Variants in CCN5 observed in about 807,000 individuals in gnomAD.
CCN5 encodes the protein cellular communication network factor 5.
Under a neutral mutation model 18.7 loss-of-function variants are expected in CCN5, and 17 were observed. The ratio of observed to expected loss-of-function variants is 0.91; its 90% CI spans 0.62 to 1.36. The LOEUF is 1.36. CCN5 is among the 40% of genes most tolerant of loss of function. The pLI is 0.00. For synonymous variants in CCN5, 135 were observed against 145.2 expected, an observed-to-expected ratio of 0.93 and a Z score of 0.50; for missense variants, 367 against 342.9, an observed-to-expected ratio of 1.07 and a Z score of -0.56.
chr20:44,725,353 G>T (rs2065929576), intron 3 of CCN5, among the ~76,000 whole-genome samples: 1 of 151,944 alleles, frequency 6.6e-6, no homozygotes, highest in Non-Finnish European at 1.5e-5. Flanking sequence ...CAGGAGAATC[G>T]CTTGAACCCG....
upstream of CCN5, chr20:44,715,043 T>C: frequency 3.8e-6 from 1 of 264,624 alleles, no homozygotes; most frequent in South Asian, 4.7e-5. Flanking sequence ...CTCTGCAAGC[T>C]GTCACAGGCT....
At chr20:44,720,267 C>A in intron 2 of CCN5, 154 bp downstream of exon 2, 1 of 746,302 alleles carries the variant, frequency 1.3e-6, no homozygotes, top group Non-Finnish European at 2.2e-6. Flanking sequence ...GTCCCAAAGC[C>A]CACTCCCCAC....
At chr20:44,724,546 C>A in intron 2 of CCN5, 192 bp from the exon 3 acceptor site, 1 of 799,212 alleles carries the variant, frequency 1.3e-6, no homozygotes, top group Non-Finnish European at 1.9e-6. Context: ...CTTGCAATCC[C>A]TGTGCCGGGA....
chr20:44,720,294 T>C (rs1314884355), intron 2 of CCN5, 181 bp downstream of exon 2: 3 of 668,182 alleles, frequency 4.5e-6, no homozygotes, highest in African/African-American at 1.8e-5. Context: ...CTCTCCCTTC[T>C]TGGCCTCTGC....
chr20:44,721,540 A>C (rs1239078702), intron 2 of CCN5: 2 of 147,450 alleles, frequency 1.4e-5, no homozygotes, highest in Admixed American at 6.8e-5. Flanking sequence ...AAAAAAAAGT[A>C]ATAACTCCAT....
At chr20:44,723,765 C>T (rs1281435021) in intron 2 of CCN5, 1 of 152,252 alleles carries the variant, frequency 6.6e-6, no homozygotes, top group African/African-American at 2.4e-5. Context: ...CAGGAACTGT[C>T]CTCTTTCTGT....
chr20:44,727,344 C>A lies in CCN5; in HGVS notation c.*37C>A. On this transcript the variant is annotated 3_prime_UTR_variant, in exon 4 of 4. Transcript: ENST00000190983. ...GAATGGGGACACGGTGTCCACCATC[C>A]CCAGCTGGTGGCCCTGTGCCTGGGC... 1 of 1,574,068 alleles carries A rather than the reference C, an allele frequency of 6.4e-7. No homozygotes were observed. Among genetic ancestry groups the A allele is most frequent in the Non-Finnish European group, 8.6e-7 (1 of 1,156,948 alleles).
intron 2 of CCN5, among the ~76,000 whole-genome samples, chr20:44,722,364 C>T (rs1298046783): frequency 1.3e-5 from 2 of 152,328 alleles, no homozygotes; most frequent in South Asian, 2.1e-4. Flanking sequence ...ATCTTCCGCC[C>T]CCCAGAACGG....
chr20:44,720,227 G>A lies in CCN5; in HGVS notation c.277+114G>A, dbSNP rs1274171308. 25 of 1,137,098 alleles carry A rather than the reference G, an allele frequency of 2.2e-5. 2 individuals carry two copies. In the South Asian group the frequency reaches 3.2e-4, roughly 15 times the overall value. The allele number at this position is 1,137,098 out of a possible 1,614,324, so 70.4% of individuals were successfully genotyped here. On this transcript the variant is annotated intron_variant, in intron 2 of 3. Transcript: ENST00000190983. ...TCTACCTCCTTGGGTGCTCACTTCA[G>A]GTATCCCATCCATTCCAGCTGAACT...
At chr20:44,724,576 C>T (rs2065921683) in intron 2 of CCN5, 162 bp from the exon 3 acceptor site, 7 of 1,120,626 alleles carry the variant, frequency 6.2e-6, no homozygotes, top group Non-Finnish European at 7.4e-6. Context: ...CCCCAGCAGG[C>T]TGGTGGAGGG....
Position 44,720,154 on chromosome 20 carries a change from G to A in CCN5, c.277+41G>A, listed in dbSNP as rs754106664. 16 of 1,528,724 alleles carry A rather than the reference G, an allele frequency of 1.0e-5. No homozygotes were observed. In the Admixed American group the frequency reaches 1.4e-4, roughly 13 times the overall value. 94.7% of individuals were successfully genotyped at this position (1,528,724 alleles called of 1,614,324 possible). A position where few individuals can be genotyped will look rare whatever the true frequency, so the allele number is the denominator to read the frequency against. On this transcript the variant is annotated intron_variant, in intron 2 of 3. Transcript: ENST00000190983. ...GGACTGAGTGGGGGCGGGTGTGAGCGGGAGGTCAAGGCCGTGGTGTCCTGG... is the reference window on the plus strand; with the variant it reads ...GGACTGAGTGGGGGCGGGTGTGAGCAGGAGGTCAAGGCCGTGGTGTCCTGG...
At chr20:44,716,392 A>G (rs2065860199) in intron 1 of CCN5, among the ~76,000 whole-genome samples, 1 of 152,206 alleles carries the variant, frequency 6.6e-6, no homozygotes, top group African/African-American at 2.4e-5. Flanking sequence ...GAGCACGGGC[A>G]GGAGCTTCTC....
Position 44,720,049 on chromosome 20 carries a change from C to T in CCN5, c.213C>T (p.Asp71=), listed in dbSNP as rs752131539. 55 of 1,593,332 alleles carry T rather than the reference C, an allele frequency of 3.5e-5. No individual in the cohort carries two copies. Among genetic ancestry groups the T allele is most frequent in the Non-Finnish European group, 4.4e-5 (52 of 1,174,826 alleles). ...CCTGCGACCAACTCCACGTCTGCGA[C>T]GCCAGCCAGGGCCTGGTCTGCCAGC... ...GEPCDQLHVC[D]ASQGLVCQPG... Residue 71 remains aspartate, a synonymous_variant, in exon 2 of 4, where the codon GAC becomes GAT. Coordinates refer to ENST00000190983, the MANE Select transcript of CCN5 (RefSeq NM_003881.4).
At chr20:44,715,094 G>A (rs562106645), upstream of CCN5, 666 of 310,686 alleles carry the variant, frequency 2.1e-3, 5 homozygotes, top group African/African-American at 0.014. Flanking sequence ...ACACACACAC[G>A]CGCACACACA....
chr20:44,719,610 G>C (rs145816693), intron 1 of CCN5, among the ~76,000 whole-genome samples: 1 of 152,116 alleles, frequency 6.6e-6, no homozygotes, highest in Non-Finnish European at 1.5e-5. Context: ...GGCTGGGATC[G>C]CGCCACTGCA....
chr20:44,721,783 A>G (rs2065901770), intron 2 of CCN5, among the ~76,000 whole-genome samples: 1 of 152,192 alleles, frequency 6.6e-6, no homozygotes, highest in Admixed American at 6.5e-5. Flanking sequence ...CACAAATATA[A>G]ACTCATTTAA....
chr20:44,719,793 G>A (rs2145412211), intron 1 of CCN5, 104 bp from the exon 2 acceptor site: 1 of 1,220,130 alleles, frequency 8.2e-7, no homozygotes, highest in African/African-American at 1.5e-5. Context: ...TGAGGCTAAG[G>A]TGTGGACACC....
chr20:44,720,150 G>T, intron 2 of CCN5, 37 bp downstream of exon 2: 1 of 1,532,456 alleles, frequency 6.5e-7, no homozygotes, highest in South Asian at 1.2e-5. Flanking sequence ...GGGCGGGTGT[G>T]AGCGGGAGGT....
In CCN5 at chr20:44,719,956, G is replaced by A. The variant is rs35266386; in HGVS notation, c.120G>A (p.Pro40=). The change falls in exon 2 of 4, where the codon CCG becomes CCA. Residue 40 remains proline (P), a synonymous_variant. Transcript: ENST00000190983. ...GCCCCTGGCCACCTCCCCGATGCCC[G>A]CTGGGAGTACCCCTGGTGCTGGATG... ...CTCPWPPPRC[P]LGVPLVLDGC... 1.1e-4 allele frequency: 185 copies of A among 1,613,700 alleles called. 2 individuals carry two copies. The African/African-American group carries it at 2.1e-3, about 18-fold the overall frequency.
Sources: allele counts gnomAD v4.1 joint callset (sites outside exome capture counted in the v4.1 genomes callset), GRCh38; gene constraint gnomAD v4.1.1; transcripts MANE v1.5; gene names NCBI Gene and HGNC (gene_info 2026-07-23, HGNC 2026-07-21).